The following TRAK2 variants were observed in gnomAD, a reference collection of about 807,000 sequenced individuals.
The protein encoded by TRAK2 is trafficking kinesin protein 2.
Under a neutral mutation model 104.6 loss-of-function variants are expected in TRAK2, and 81 were observed. The observed-to-expected ratio is 0.77, with a 90% CI of 0.65 to 0.93. TRAK2 has a LOEUF of 0.93. TRAK2 is among the 40% of genes least tolerant of loss of function. The pLI is 0.00. For missense variants in TRAK2, 1,002 were observed against 1,089.0 expected (o/e 0.92, Z 1.12); for synonymous variants, 406 against 394.4 (o/e 1.03, Z -0.35).
chr2:201,412,463 G>A (rs1031894464), intron 2 of TRAK2: 2 of 1,167,326 alleles, frequency 1.7e-6, no homozygotes, highest in Admixed American at 3.4e-5. Flanking sequence ...TAACTCAACT[G>A]ATCCAACTGC....
chr2:201,388,599 TG>T (rs1951414095), intron 12 of TRAK2, among the ~76,000 whole-genome samples: 1 of 152,238 alleles, frequency 6.6e-6, no homozygotes, highest in Admixed American at 6.5e-5. Context: ...TCAACACTTT[TG>T]AAACTGGAAG....
At position 201,384,206 on chromosome 2, in the gene TRAK2, G is replaced by T; in HGVS notation, c.1974C>A (p.Ala658=). 6.2e-7 allele frequency: 1 copy of T among 1,612,166 alleles called. No homozygotes were observed. The highest frequency in any genetic ancestry group is 8.5e-7 in the Non-Finnish European group (1 of 1,179,292). ...SAGGPVTVAT[A]NPGKCLSCTN... ...TGCACGACAGGCACTTTCCTGGGTT[G>T]GCGGTTGCAACTGAAATAGATTTTT... Residue 658 remains alanine, a synonymous_variant, in exon 15 of 16, where the codon GCC becomes GCA. Transcript: ENST00000332624.
chr2:201,408,718 T>A (rs1475173996), intron 2 of TRAK2, among the ~76,000 whole-genome samples: 1 of 152,204 alleles, frequency 6.6e-6, no homozygotes, highest in African/African-American at 2.4e-5. Flanking sequence ...GATCTCAACT[T>A]ACATGCCTGG....
intron 2 of TRAK2, among the ~76,000 whole-genome samples, chr2:201,410,162 C>T (rs889770767): frequency 1.3e-4 from 20 of 152,144 alleles, no homozygotes; most frequent in African/African-American, 4.8e-4. Flanking sequence ...ATTAGCTGGG[C>T]GTGGTGGCGG....
intron 2 of TRAK2, chr2:201,410,603 G>A (rs1191082962): frequency 7.9e-7 from 1 of 1,270,572 alleles, no homozygotes; most frequent in Non-Finnish European, 1.1e-6. Flanking sequence ...ATAGCAGTTG[G>A]TGGCTATGCA....
At chr2:201,386,130 A>T (rs1195270858) in intron 14 of TRAK2, 88 bp downstream of exon 14, 1 of 1,430,226 alleles carries the variant, frequency 7.0e-7, no homozygotes, top group African/African-American at 1.4e-5. Flanking sequence ...CCCTCCAGTG[A>T]GCAGAGGTAG....
intron 13 of TRAK2, 77 bp downstream of exon 13, chr2:201,387,626 G>A: frequency 7.1e-7 from 1 of 1,402,932 alleles, no homozygotes; most frequent in Non-Finnish European, 9.7e-7. Flanking sequence ...CTATAATTAA[G>A]ACACAAATCT....
chr2:201,411,741 A>C lies in TRAK2; in HGVS notation c.92-4144T>G, dbSNP rs1417039201. The C allele has an allele frequency of 7.7e-5, 60 of 781,884 alleles. No homozygotes were observed. The Middle Eastern group carries it at 9.7e-4, about 13-fold the overall frequency. The allele number at this position is 781,884 out of a possible 1,614,324, so 48.4% of individuals were successfully genotyped here. On this transcript the variant is annotated intron_variant, in intron 2 of 15. Coordinates refer to ENST00000332624, the MANE Select transcript of TRAK2 (RefSeq NM_015049.3). ...TGGAATTTGTTGTAAGAAGGGTAGGATACCATCAAGTACCAACCACTTATC... is the reference window on the plus strand; with the variant it reads ...TGGAATTTGTTGTAAGAAGGGTAGGCTACCATCAAGTACCAACCACTTATC...
rs1951730393 is a variant in TRAK2 at position 201,420,435 on chromosome 2, C to T, written c.73G>A (p.Asp25Asn). 1 of 1,613,932 alleles carries T rather than the reference C, an allele frequency of 6.2e-7. No individual in the cohort carries two copies. The highest frequency in any genetic ancestry group is 1.1e-5 in the South Asian group (1 of 91,064). Residue 25 changes from aspartate (D) to asparagine (N), a missense_variant, in exon 2 of 16, where the codon GAC becomes AAC. Coordinates refer to ENST00000332624, the MANE Select transcript of TRAK2 (RefSeq NM_015049.3). ...GACTTACCAGTGATGCTCTCCGAGT[C>T]TCTGTGATTGCTATTCATGAGGTTT... ...EENLMNSNHRDSESITDVCSN... is the reference protein window; with the variant it reads ...EENLMNSNHRNSESITDVCSN...
At chr2:201,429,502 T>C (rs1951822102) in intron 1 of TRAK2, among the ~76,000 whole-genome samples, 1 of 152,240 alleles carries the variant, frequency 6.6e-6, no homozygotes, top group Admixed American at 6.5e-5. Flanking sequence ...GGTACACCAA[T>C]CACACGTAGA....
At chr2:201,413,179 C>T in intron 2 of TRAK2, 1 of 1,513,222 alleles carries the variant, frequency 6.6e-7, no homozygotes, top group Non-Finnish European at 9.2e-7. Context: ...CAAGCTAGCC[C>T]ACTGCCACCA....
chr2:201,448,859 C>T (rs939392836), intron 1 of TRAK2, among the ~76,000 whole-genome samples: 4 of 152,196 alleles, frequency 2.6e-5, no homozygotes, highest in African/African-American at 7.2e-5. Context: ...CAAACAACCA[C>T]ACCCAGCTAT....
At chr2:201,426,187 T>A (rs1384405546) in intron 1 of TRAK2, among the ~76,000 whole-genome samples, 1 of 152,152 alleles carries the variant, frequency 6.6e-6, no homozygotes, top group Non-Finnish European at 1.5e-5. Context: ...TCCCCATCAC[T>A]CGCATTACTG....
intron 15 of TRAK2, among the ~76,000 whole-genome samples, 171 bp from the exon 16 acceptor site, chr2:201,381,389 CATG>C (rs1488393091): frequency 1.3e-5 from 2 of 152,160 alleles, no homozygotes; most frequent in Non-Finnish European, 2.9e-5. Context: ...AAAATTTTGA[CATG>C]ATACTTCAAT....
chr2:201,428,117 T>C (rs970100995), intron 1 of TRAK2, among the ~76,000 whole-genome samples: 3 of 152,002 alleles, frequency 2.0e-5, no homozygotes, highest in Non-Finnish European at 2.9e-5. Context: ...ATTTTGTAGG[T>C]TGCCTGTTCA....
chr2:201,411,808 C>T (rs926830160), intron 2 of TRAK2: 5 of 818,332 alleles, frequency 6.1e-6, no homozygotes, highest in East Asian at 2.4e-5. Context: ...AATGAATTTA[C>T]AGGAACAGCA....
At chr2:201,435,856 C>T (rs1227218615) in intron 1 of TRAK2, among the ~76,000 whole-genome samples, 7 of 152,094 alleles carry the variant, frequency 4.6e-5, no homozygotes. Context: ...AGAGAGGTCT[C>T]ATGGTGATGG....
chr2:201,388,578 A>G (rs543453859), intron 12 of TRAK2, among the ~76,000 whole-genome samples: 1 of 152,320 alleles, frequency 6.6e-6, no homozygotes, highest in East Asian at 1.9e-4. Flanking sequence ...TCTGATGCCC[A>G]TTTTTTGACT....
chr2:201,431,876 G>A (rs1372063815), intron 1 of TRAK2, among the ~76,000 whole-genome samples: 5 of 152,122 alleles, frequency 3.3e-5, no homozygotes, highest in Admixed American at 6.5e-5. Flanking sequence ...TCTGTTAAGT[G>A]GGCCTAATAA....
Sources: allele counts gnomAD v4.1 joint callset (sites outside exome capture counted in the v4.1 genomes callset), GRCh38; gene constraint gnomAD v4.1.1; transcripts MANE v1.5; gene names NCBI Gene and HGNC (gene_info 2026-07-23, HGNC 2026-07-21).